The following PEBP4 variants were observed in gnomAD, a reference collection of about 807,000 sequenced individuals.
PEBP4 encodes phosphatidylethanolamine-binding protein 4.
Under a neutral mutation model 23.9 loss-of-function variants are expected in PEBP4, and 22 were observed. That is an observed-to-expected ratio of 0.92 (90% CI 0.66 to 1.31). The LOEUF (loss-of-function observed/expected upper bound fraction) is 1.31. PEBP4 is among the 40% of genes most tolerant of loss of function. PEBP4 has a pLI of 0.00. For synonymous variants in PEBP4, 112 were observed against 99.3 expected (o/e 1.13, Z -0.76); for missense variants, 324 against 281.7 (o/e 1.15, Z -1.07).
At chr8:22,819,201 G>T (rs1806807871) in intron 3 of PEBP4, among the ~76,000 whole-genome samples, 1 of 152,168 alleles carries the variant, frequency 6.6e-6, no homozygotes, top group Non-Finnish European at 1.5e-5. Context: ...TGAGAGGAGG[G>T]GAGAATCAGG....
At chr8:22,732,408 G>T (rs1047327409) in intron 4 of PEBP4, among the ~76,000 whole-genome samples, 3 of 152,138 alleles carry the variant, frequency 2.0e-5, no homozygotes, top group South Asian at 2.1e-4. Context: ...AGGGCCCATG[G>T]TGGGGGCGTG....
intron 3 of PEBP4, chr8:22,895,695 G>T (rs1007110148): frequency 5.9e-5 from 9 of 151,918 alleles, no homozygotes; most frequent in Non-Finnish European, 1.2e-4. Context: ...ACAATGCTTG[G>T]GTGCTCTGTT....
intron 3 of PEBP4, among the ~76,000 whole-genome samples, chr8:22,877,330 T>TC (rs1237371273): frequency 1.3e-5 from 2 of 152,082 alleles, no homozygotes; most frequent in Admixed American, 6.5e-5. Context: ...AAACGTCAGG[T>TC]CCATGTTTTG....
chr8:22,910,038 G>A (rs900854376), intron 3 of PEBP4, among the ~76,000 whole-genome samples: 14 of 152,250 alleles, frequency 9.2e-5, no homozygotes, highest in Non-Finnish European at 2.1e-4. Context: ...GTTGTGAGGA[G>A]GCTCAAACGA....
intron 3 of PEBP4, among the ~76,000 whole-genome samples, chr8:22,894,361 C>T (rs1284377116): frequency 6.6e-6 from 1 of 152,026 alleles, no homozygotes; most frequent in East Asian, 1.9e-4. Context: ...GGCTTCAGCC[C>T]AGGAGTTCGA....
chr8:22,851,629 C>T (rs141388704), intron 3 of PEBP4, among the ~76,000 whole-genome samples: 252 of 152,254 alleles, frequency 1.7e-3, no homozygotes, highest in African/African-American at 5.9e-3. Context: ...TACTCGGGTC[C>T]TCACACCTAA....
Position 22,903,707 on chromosome 8 carries a change from C to A in PEBP4, c.258+16477G>T, listed in dbSNP as rs185281758. On this transcript the variant is annotated intron_variant, in intron 3 of 6. Transcript: ENST00000256404. Reference sequence around the variant, plus strand: ...AGCTGCCTCGATCTATAAATCAACCCGTTCTCTACACCCTAGAGCTCCGAG... The same window carrying A: ...AGCTGCCTCGATCTATAAATCAACCAGTTCTCTACACCCTAGAGCTCCGAG... Among the ~76,000 whole-genome samples, 254 of 152,332 alleles carry A rather than the reference C, an allele frequency of 1.7e-3. 1 individual carries two copies. The highest frequency in any genetic ancestry group is 3.0e-3 in the Non-Finnish European group (202 of 68,036).
At chr8:22,846,889 C>G (rs1478438442) in intron 3 of PEBP4, among the ~76,000 whole-genome samples, 4 of 152,118 alleles carry the variant, frequency 2.6e-5, no homozygotes, top group Non-Finnish European at 5.9e-5. Flanking sequence ...TGGCAGGGCA[C>G]GATGGCTCAT....
At chr8:22,910,256 T>C (rs780908120) in intron 3 of PEBP4, among the ~76,000 whole-genome samples, 6 of 152,270 alleles carry the variant, frequency 3.9e-5, no homozygotes, top group South Asian at 2.1e-4. Flanking sequence ...ATAAAAAGGA[T>C]TGTCATGATA....
intron 3 of PEBP4, 85 bp downstream of exon 3, chr8:22,920,099 C>T (rs1809167173): frequency 6.5e-7 from 1 of 1,540,354 alleles, no homozygotes; most frequent in Non-Finnish European, 8.8e-7. Flanking sequence ...CTGCACGCAG[C>T]TTCAAGTCAC....
At chr8:22,837,112 T>C (rs1807220827) in intron 3 of PEBP4, among the ~76,000 whole-genome samples, 1 of 152,230 alleles carries the variant, frequency 6.6e-6, no homozygotes. Flanking sequence ...CAATTCTTAC[T>C]GATTTCTGAG....
intron 4 of PEBP4, among the ~76,000 whole-genome samples, chr8:22,754,394 C>T (rs1805332566): frequency 6.6e-6 from 1 of 152,216 alleles, no homozygotes; most frequent in Admixed American, 6.5e-5. Context: ...ATTTTATGAC[C>T]TTAACCAACA....
At chr8:22,844,386 T>A (rs543425061) in intron 3 of PEBP4, among the ~76,000 whole-genome samples, 21 of 152,280 alleles carry the variant, frequency 1.4e-4, no homozygotes, top group Middle Eastern at 6.8e-3. Context: ...ATTACAGGCA[T>A]GCACCATCAC....
At chr8:22,785,700 C>T (rs1806013871) in intron 4 of PEBP4, among the ~76,000 whole-genome samples, 1 of 152,184 alleles carries the variant, frequency 6.6e-6, no homozygotes, top group Admixed American at 6.5e-5. Context: ...CCTGAGTCCT[C>T]ATTCAAAACA....
At chr8:22,923,564 G>A (rs1809256604) in intron 2 of PEBP4, among the ~76,000 whole-genome samples, 1 of 152,088 alleles carries the variant, frequency 6.6e-6, no homozygotes, top group Non-Finnish European at 1.5e-5. Context: ...GTGATGCACT[G>A]AGACCCTGTC....
chr8:22,916,639 C>T (rs1809078913), intron 3 of PEBP4, among the ~76,000 whole-genome samples: 1 of 150,820 alleles, frequency 6.6e-6, no homozygotes, highest in Non-Finnish European at 1.5e-5. Flanking sequence ...AGATGCTCTC[C>T]CACATGTCAT....
intron 1 of PEBP4, among the ~76,000 whole-genome samples, chr8:22,937,433 TAAAG>T (rs1489346148): frequency 6.6e-6 from 1 of 152,044 alleles, no homozygotes; most frequent in Non-Finnish European, 1.5e-5. Flanking sequence ...TAAAATAAAT[TAAAG>T]AAGAGATAAA....
intron 3 of PEBP4, among the ~76,000 whole-genome samples, chr8:22,863,779 T>C (rs145500873): frequency 7.2e-5 from 11 of 152,314 alleles, no homozygotes; most frequent in African/African-American, 2.4e-4. Context: ...ATCTGAGCGA[T>C]GATACCTGGC....
chr8:22,727,479 A>AG (rs1442235226), intron 4 of PEBP4, among the ~76,000 whole-genome samples: 1 of 151,978 alleles, frequency 6.6e-6, no homozygotes, highest in Non-Finnish European at 1.5e-5. Flanking sequence ...CGTATTGCTG[A>AG]GGGGGGCAAA....
Sources: gnomAD v4.1 joint callset for allele counts (sites outside exome capture counted in the v4.1 genomes callset) on GRCh38, gnomAD v4.1.1 for gene constraint, MANE v1.5 for transcripts, NCBI Gene and HGNC (gene_info 2026-07-23, HGNC 2026-07-21) for gene names.